Variants in CYP7B1 observed in about 807,000 individuals in gnomAD.
CYP7B1 encodes cytochrome P450 family 7 subfamily B member 1, also known as cytochrome P450 7B1.
CYP7B1 carries 29 observed loss-of-function variants against 42.7 expected under a neutral mutation model. The ratio of observed to expected loss-of-function variants is 0.68; its 90% confidence interval spans 0.51 to 0.93. The LOEUF (loss-of-function observed/expected upper bound fraction) is 0.93. Among genes scored for constraint, CYP7B1 ranks in the 40% least tolerant of loss-of-function variants. CYP7B1 has a pLI of 0.00. For synonymous variants in CYP7B1, 235 were observed against 218.2 expected, an observed-to-expected ratio of 1.08 and a Z score of -0.68; for missense variants, 655 against 600.5, an observed-to-expected ratio of 1.09 and a Z score of -0.95.
intron 1 of CYP7B1, among the ~76,000 whole-genome samples, chr8:64,718,196 T>A (rs1435753241): frequency 6.6e-6 from 1 of 152,030 alleles, no homozygotes; most frequent in Admixed American, 6.6e-5. Flanking sequence ...ATATTCAAAG[T>A]GAGAGTTATT....
intron 1 of CYP7B1, among the ~76,000 whole-genome samples, chr8:64,675,416 G>C (rs1806431228): frequency 6.7e-6 from 1 of 149,530 alleles, no homozygotes; most frequent in African/African-American, 2.4e-5. Flanking sequence ...ATTTTTGTTT[G>C]GTAAATACAC....
At chr8:64,783,006 T>C (rs1355501295) in intron 1 of CYP7B1, among the ~76,000 whole-genome samples, 2 of 152,286 alleles carry the variant, frequency 1.3e-5, no homozygotes, top group Admixed American at 1.3e-4. Flanking sequence ...CATGATGCAC[T>C]AAGTGATTCT....
chr8:64,751,687 C>T (rs145134369), intron 1 of CYP7B1, among the ~76,000 whole-genome samples: 2,282 of 152,250 alleles, frequency 0.015, 30 homozygotes, highest in Non-Finnish European at 0.024. Context: ...TTCAGAAAAA[C>T]TGAAGCAATA....
intron 1 of CYP7B1, among the ~76,000 whole-genome samples, chr8:64,680,183 GT>G (rs894077360): frequency 8.0e-5 from 12 of 150,890 alleles, no homozygotes; most frequent in African/African-American, 2.7e-4. Context: ...TTATTTTATT[GT>G]TTTTTTTCCT....
At chr8:64,653,248 G>C in intron 1 of CYP7B1, among the ~76,000 whole-genome samples, 1 of 151,992 alleles carries the variant, frequency 6.6e-6, no homozygotes, top group East Asian at 1.9e-4. Flanking sequence ...TAGATATACT[G>C]CTACCTAGAC....
intron 1 of CYP7B1, among the ~76,000 whole-genome samples, chr8:64,698,334 G>T (rs974407060): frequency 2.0e-5 from 3 of 151,890 alleles, no homozygotes; most frequent in African/African-American, 7.2e-5. Flanking sequence ...CCAGCAGCAG[G>T]GGGGGGAAAA....
At chr8:64,713,707 A>G (rs1248871410) in intron 1 of CYP7B1, among the ~76,000 whole-genome samples, 1 of 152,156 alleles carries the variant, frequency 6.6e-6, no homozygotes, top group East Asian at 1.9e-4. Context: ...AAAAGTAGTA[A>G]TGACCAGTAG....
At chr8:64,587,452 C>T (rs1034955267), downstream of CYP7B1, among the ~76,000 whole-genome samples, 7 of 152,208 alleles carry the variant, frequency 4.6e-5, no homozygotes, top group African/African-American at 1.7e-4. Context: ...ATCGGGTTGT[C>T]CCCTGTATGG....
chr8:64,695,357 C>G (rs764168022), intron 1 of CYP7B1, among the ~76,000 whole-genome samples: 11 of 152,120 alleles, frequency 7.2e-5, no homozygotes, highest in Admixed American at 2.0e-4. Context: ...GATGCAAAAA[C>G]CCTGCACAGC....
intron 1 of CYP7B1, among the ~76,000 whole-genome samples, chr8:64,733,680 A>T (rs763090070): frequency 2.6e-5 from 4 of 152,132 alleles, no homozygotes; most frequent in Non-Finnish European, 4.4e-5. Context: ...TCAAGTTAAA[A>T]ATCACTTCTG....
intron 1 of CYP7B1, among the ~76,000 whole-genome samples, chr8:64,667,919 A>T (rs189650988): frequency 6.6e-6 from 1 of 152,348 alleles, no homozygotes; most frequent in Admixed American, 6.5e-5. Flanking sequence ...TTTATTAAAC[A>T]GGAATGCAGT....
At chr8:64,653,039 C>G (rs1224409600) in intron 1 of CYP7B1, among the ~76,000 whole-genome samples, 1 of 152,042 alleles carries the variant, frequency 6.6e-6, no homozygotes, top group East Asian at 1.9e-4. Context: ...TATCCACATC[C>G]AAAAGTTACA....
At chr8:64,644,763 TA>T (rs1157543692) in intron 1 of CYP7B1, among the ~76,000 whole-genome samples, 1 of 152,042 alleles carries the variant, frequency 6.6e-6, no homozygotes. Context: ...CACATTCTTT[TA>T]TTATTATTAT....
intron 1 of CYP7B1, among the ~76,000 whole-genome samples, chr8:64,689,220 A>C (rs1260610145): frequency 6.6e-6 from 1 of 152,238 alleles, no homozygotes; most frequent in Non-Finnish European, 1.5e-5. Context: ...GTTTATGTAA[A>C]TTCAGAAAAT....
chr8:64,661,346 C>A (rs764304047), intron 1 of CYP7B1, among the ~76,000 whole-genome samples: 3 of 152,198 alleles, frequency 2.0e-5, no homozygotes, highest in Non-Finnish European at 2.9e-5. Flanking sequence ...ACAGCCAAAT[C>A]TTCCATATAA....
At chr8:64,632,262 T>C (rs1441839440) in intron 1 of CYP7B1, among the ~76,000 whole-genome samples, 1 of 152,090 alleles carries the variant, frequency 6.6e-6, no homozygotes, top group Non-Finnish European at 1.5e-5. Flanking sequence ...AATTCTGCAA[T>C]ATGAAGCAAC....
intron 1 of CYP7B1, among the ~76,000 whole-genome samples, chr8:64,775,064 G>T (rs944986369): frequency 1.6e-4 from 25 of 152,040 alleles, no homozygotes; most frequent in East Asian, 1.9e-4. Context: ...TTTACAAATG[G>T]TTTTCTTGTC....
At chr8:64,778,782 C>A (rs1426461350) in intron 1 of CYP7B1, among the ~76,000 whole-genome samples, 1 of 152,090 alleles carries the variant, frequency 6.6e-6, no homozygotes, top group Non-Finnish European at 1.5e-5. Context: ...TGTCACAAGG[C>A]AACTTCCTGC....
intron 1 of CYP7B1, among the ~76,000 whole-genome samples, chr8:64,770,769 C>T (rs763535324): frequency 2.0e-5 from 3 of 152,178 alleles, no homozygotes; most frequent in Non-Finnish European, 2.9e-5. Flanking sequence ...TAGGCTCTCC[C>T]CATGGCTAGT....
Sources: allele counts gnomAD v4.1 joint callset (sites outside exome capture counted in the v4.1 genomes callset), GRCh38; gene constraint gnomAD v4.1.1; transcripts MANE v1.5; gene names NCBI Gene and HGNC (gene_info 2026-07-23, HGNC 2026-07-21).